WWOX: variants seen among roughly 807,000 people sequenced by gnomAD.
WWOX encodes WW domain containing oxidoreductase.
A neutral mutation model predicts 46.2 loss-of-function variants in WWOX; 69 were observed. That is an observed-to-expected ratio of 1.49 (90% CI 1.23 to 1.82). The LOEUF is 1.82. Among genes scored for constraint, WWOX ranks in the 40% most tolerant of loss-of-function variants. The pLI, the probability that WWOX is intolerant of heterozygous loss-of-function variation, is 0.00. For synonymous variants in WWOX, 359 were observed against 202.6 expected (o/e 1.77, Z -6.56); for missense variants, 919 against 542.6 (o/e 1.69, Z -6.89).
intron 8 of WWOX, among the ~76,000 whole-genome samples, chr16:79,156,218 G>A (rs1041249914): frequency 6.6e-6 from 1 of 152,152 alleles, no homozygotes; most frequent in African/African-American, 2.4e-5. Flanking sequence ...CTGGAGTGCA[G>A]TGGTACAATT....
chr16:78,833,166 C>T (rs1223978152), intron 8 of WWOX, among the ~76,000 whole-genome samples: 1 of 152,004 alleles, frequency 6.6e-6, no homozygotes, highest in Non-Finnish European at 1.5e-5. Flanking sequence ...CTCTGCCTGC[C>T]AAGTATCTGG....
intron 4 of WWOX, among the ~76,000 whole-genome samples, chr16:78,163,773 C>A: frequency 6.6e-6 from 1 of 152,256 alleles, no homozygotes; most frequent in African/African-American, 2.4e-5. Context: ...AAGTCCTTAT[C>A]GTGGGCACAG....
chr16:78,852,109 C>G (rs147452120), intron 8 of WWOX, among the ~76,000 whole-genome samples: 1 of 152,244 alleles, frequency 6.6e-6, no homozygotes, highest in African/African-American at 2.4e-5. Flanking sequence ...ATTTTGAGGT[C>G]ATTTTGTTGT....
intron 1 of WWOX, among the ~76,000 whole-genome samples, chr16:78,102,985 C>T (rs2151657177): frequency 6.6e-6 from 1 of 152,324 alleles, no homozygotes; most frequent in Admixed American, 6.5e-5. Context: ...GGCGTCTCCT[C>T]CTTTGCCACT....
intron 8 of WWOX, among the ~76,000 whole-genome samples, chr16:79,168,969 A>G (rs1202543542): frequency 6.6e-6 from 1 of 152,226 alleles, no homozygotes; most frequent in Non-Finnish European, 1.5e-5. Flanking sequence ...GCCCACTGTA[A>G]AAATCTTGAT....
intron 8 of WWOX, among the ~76,000 whole-genome samples, chr16:78,721,700 T>C (rs1430179661): frequency 1.3e-5 from 2 of 152,234 alleles, no homozygotes; most frequent in Non-Finnish European, 2.9e-5. Context: ...CTCGGAAATA[T>C]TGGCTGGCCA....
chr16:78,119,958 G>A (rs1045969636), intron 4 of WWOX, among the ~76,000 whole-genome samples: 2 of 152,094 alleles, frequency 1.3e-5, no homozygotes, highest in African/African-American at 4.8e-5. Flanking sequence ...CATCATGTGT[G>A]TTGTAACTTT....
intron 8 of WWOX, among the ~76,000 whole-genome samples, chr16:79,081,611 C>T (rs540312690): frequency 4.1e-4 from 62 of 152,270 alleles, no homozygotes; most frequent in African/African-American, 1.4e-3. Context: ...GCCTTCGCTT[C>T]CTCATTGGTC....
chr16:79,187,194 G>A (rs1033915008), intron 8 of WWOX, among the ~76,000 whole-genome samples: 21 of 152,130 alleles, frequency 1.4e-4, no homozygotes, highest in African/African-American at 3.4e-4. Context: ...TAAATGCTGC[G>A]TACTTCATTT....
At chr16:78,168,806 C>G (rs1356563794) in intron 5 of WWOX, among the ~76,000 whole-genome samples, 1 of 152,092 alleles carries the variant, frequency 6.6e-6, no homozygotes, top group Non-Finnish European at 1.5e-5. Flanking sequence ...TAAAATACAA[C>G]TTAAGTGAAA....
chr16:78,698,859 A>G (rs938892976), intron 8 of WWOX, among the ~76,000 whole-genome samples: 3 of 152,260 alleles, frequency 2.0e-5, no homozygotes, highest in African/African-American at 7.2e-5. Context: ...TCTAAAAACA[A>G]ACAAACCTTA....
chr16:79,006,816 C>T (rs916746156), intron 8 of WWOX, among the ~76,000 whole-genome samples: 5 of 152,164 alleles, frequency 3.3e-5, no homozygotes, highest in Non-Finnish European at 7.3e-5. Flanking sequence ...CAGCACCTGG[C>T]TGAGTCTTTC....
At chr16:78,971,448 CAAAAAAAAAA>C (rs71140852) in intron 8 of WWOX, among the ~76,000 whole-genome samples, 1,768 of 111,890 alleles carry the variant, frequency 0.016, 57 homozygotes, top group African/African-American at 0.055. Flanking sequence ...GACTCTGTGT[CAAAAAAAAAA>C]AAAAAAAAAA....
At chr16:78,733,523 G>C (rs560143377) in intron 8 of WWOX, among the ~76,000 whole-genome samples, 62 of 151,648 alleles carry the variant, frequency 4.1e-4, no homozygotes, top group African/African-American at 1.5e-3. Flanking sequence ...CGAGGTGGGC[G>C]GATCACGAGG....
chr16:78,879,342 G>C (rs1462447677), intron 8 of WWOX, among the ~76,000 whole-genome samples: 3 of 152,138 alleles, frequency 2.0e-5, no homozygotes, highest in Admixed American at 2.0e-4. Flanking sequence ...TTGACAACAT[G>C]ATGTCAAAGA....
chr16:78,792,545 A>C (rs2050633229), intron 8 of WWOX, among the ~76,000 whole-genome samples: 1 of 152,130 alleles, frequency 6.6e-6, no homozygotes, highest in African/African-American at 2.4e-5. Context: ...GGGTTCGTAA[A>C]AACTTAGGGC....
At chr16:78,617,925 A>C (rs2046068393) in intron 8 of WWOX, among the ~76,000 whole-genome samples, 1 of 152,216 alleles carries the variant, frequency 6.6e-6, no homozygotes, top group African/African-American at 2.4e-5. Context: ...CATCTTTATA[A>C]CAAAGTGTGA....
chr16:78,717,518 G>T (rs948484044), intron 8 of WWOX, among the ~76,000 whole-genome samples: 8 of 152,150 alleles, frequency 5.3e-5, no homozygotes, highest in Middle Eastern at 3.2e-3. Context: ...ACTGTTGGAA[G>T]GGTCTGCTGT....
rs538260180 is a variant in WWOX, at chr16:78,744,676, C to G, written c.1056+311924C>G. The stretch of plus-strand genomic sequence containing the variant: ...TGAATTCTTGACCTTAAGTGATCCA[C>G]CTGCCTCGGCCTCCCAAAGTGCTGG... On this transcript the variant is annotated intron_variant, in intron 8 of 8. Transcript: ENST00000566780. Among the ~76,000 whole-genome samples, 4 of 152,230 alleles carry G rather than the reference C, an allele frequency of 2.6e-5. No homozygotes were observed. In the South Asian group the frequency reaches 8.3e-4, roughly 32 times the overall value.
Sources: gnomAD v4.1 joint callset for allele counts (sites outside exome capture counted in the v4.1 genomes callset) on GRCh38, gnomAD v4.1.1 for gene constraint, MANE v1.5 for transcripts, NCBI Gene and HGNC (gene_info 2026-07-23, HGNC 2026-07-21) for gene names.